The following GRM8 variants were observed in gnomAD, a reference collection of about 807,000 sequenced individuals.
The protein encoded by GRM8 is glutamate metabotropic receptor 8, also known as metabotropic glutamate receptor 8.
GRM8 carries 47 observed loss-of-function variants against 87.2 expected under a neutral mutation model. The ratio of observed to expected loss-of-function variants is 0.54; its 90% CI spans 0.43 to 0.69. The LOEUF is 0.69. GRM8 is among the 30% of genes least tolerant of loss of function. The pLI, the probability that GRM8 is intolerant of heterozygous loss-of-function variation, is 0.00. For synonymous variants in GRM8, 396 were observed against 404.5 expected (o/e 0.98, Z 0.25); for missense variants, 1,019 against 1,139.2 (o/e 0.89, Z 1.52).
At chr7:127,078,586 C>T (rs1822530044) in intron 3 of GRM8, among the ~76,000 whole-genome samples, 1 of 152,196 alleles carries the variant, frequency 6.6e-6, no homozygotes, top group Admixed American at 6.5e-5. Context: ...AAAGACCACA[C>T]TTAGTGTGAA....
At chr7:126,589,396 G>C (rs1339012603) in intron 8 of GRM8, among the ~76,000 whole-genome samples, 1 of 152,084 alleles carries the variant, frequency 6.6e-6, no homozygotes, top group African/African-American at 2.4e-5. Flanking sequence ...AGCAGAGGCA[G>C]CCATAATCCT....
At chr7:127,036,884 C>A (rs1294890672) in intron 3 of GRM8, among the ~76,000 whole-genome samples, 2 of 152,166 alleles carry the variant, frequency 1.3e-5, no homozygotes, top group Admixed American at 6.5e-5. Context: ...AATTTATGAC[C>A]TATCCTAAGC....
chr7:126,849,426 G>A (rs990473432), intron 6 of GRM8, among the ~76,000 whole-genome samples: 1 of 152,148 alleles, frequency 6.6e-6, no homozygotes, highest in African/African-American at 2.4e-5. Flanking sequence ...AGTAGAGAAG[G>A]TAATAAGCAG....
intron 6 of GRM8, among the ~76,000 whole-genome samples, chr7:126,865,575 T>C (rs1327515305): frequency 6.6e-6 from 1 of 152,158 alleles, no homozygotes; most frequent in East Asian, 1.9e-4. Context: ...CACTCTTCAA[T>C]CATCCTGTTC....
At chr7:126,684,860 C>G (rs1010232130) in intron 7 of GRM8, among the ~76,000 whole-genome samples, 1 of 152,204 alleles carries the variant, frequency 6.6e-6, no homozygotes, top group Non-Finnish European at 1.5e-5. Flanking sequence ...TCATGTCATC[C>G]TTCATTACCT....
chr7:126,819,138 G>A (rs1459810286), intron 6 of GRM8, among the ~76,000 whole-genome samples: 3 of 152,084 alleles, frequency 2.0e-5, no homozygotes, highest in Non-Finnish European at 4.4e-5. Flanking sequence ...TCTTCCCAGA[G>A]AACAAATCTT....
At chr7:126,672,626 A>C (rs777147515) in intron 7 of GRM8, among the ~76,000 whole-genome samples, 6 of 152,192 alleles carry the variant, frequency 3.9e-5, no homozygotes, top group Non-Finnish European at 8.8e-5. Context: ...GCGGGAAAGG[A>C]ACCCAGAAGC....
intron 3 of GRM8, among the ~76,000 whole-genome samples, chr7:127,057,803 A>C (rs1820150570): frequency 6.7e-6 from 1 of 149,914 alleles, no homozygotes; most frequent in African/African-American, 2.5e-5. Context: ...ACCAGCTCAT[A>C]TCCCACAAAA....
At chr7:126,755,421 T>A (rs1484734199) in intron 7 of GRM8, among the ~76,000 whole-genome samples, 1 of 151,958 alleles carries the variant, frequency 6.6e-6, no homozygotes, top group Non-Finnish European at 1.5e-5. Context: ...AAAGCTTTTT[T>A]TTGCAGACGG....
rs138714132 is a variant in GRM8, at chr7:126,909,034, G to A, written c.728-4351C>T. ...AACCAGACAGCTAATCTGTTCATAAGCACTCATGGTCTACTATGTTTCAGG... is the reference window on the plus strand; with the variant it reads ...AACCAGACAGCTAATCTGTTCATAAACACTCATGGTCTACTATGTTTCAGG... On this transcript the variant is annotated intron_variant, in intron 3 of 10. Transcript: ENST00000339582. Among the ~76,000 whole-genome samples the A allele has an allele frequency of 2.7e-3, 416 of 152,214 alleles. 3 individuals carry two copies. The highest frequency in any genetic ancestry group is 9.6e-3 in the African/African-American group (398 of 41,552).
chr7:126,818,471 T>G (rs1793992957), intron 6 of GRM8, among the ~76,000 whole-genome samples: 2 of 152,192 alleles, frequency 1.3e-5, no homozygotes, highest in Non-Finnish European at 2.9e-5. Context: ...GATAACCTCT[T>G]CTTGCTTACT....
intron 8 of GRM8, among the ~76,000 whole-genome samples, chr7:126,602,417 C>A (rs1462046185): frequency 9.3e-6 from 1 of 107,940 alleles, no homozygotes; most frequent in Non-Finnish European, 2.1e-5. Flanking sequence ...GCGATGCGGG[C>A]TCTTTTTCGG....
chr7:126,627,329 C>T (rs1374059826), intron 7 of GRM8, among the ~76,000 whole-genome samples: 1 of 152,152 alleles, frequency 6.6e-6, no homozygotes, highest in African/African-American at 2.4e-5. Flanking sequence ...AAAGATGCTA[C>T]TAAACATCCC....
At chr7:127,051,363 C>T (rs1417092073) in intron 3 of GRM8, among the ~76,000 whole-genome samples, 3 of 151,866 alleles carry the variant, frequency 2.0e-5, no homozygotes, top group Non-Finnish European at 2.9e-5. Context: ...AACCTGCACA[C>T]GTACCCTGAA....
At chr7:126,687,970 G>T (rs1394842361) in intron 7 of GRM8, among the ~76,000 whole-genome samples, 1 of 151,672 alleles carries the variant, frequency 6.6e-6, no homozygotes, top group East Asian at 1.9e-4. Context: ...TTTCTATTGG[G>T]TTGTATTTTT....
intron 3 of GRM8, among the ~76,000 whole-genome samples, chr7:127,008,188 T>C (rs943568585): frequency 9.2e-5 from 14 of 151,968 alleles, no homozygotes; most frequent in Admixed American, 4.6e-4. Flanking sequence ...ATACAAAGAG[T>C]ATAGGGTTCT....
In GRM8 at chr7:126,571,632, C is replaced by T. The variant is rs555077773; in HGVS notation, c.1494+37730G>A. On this transcript the variant is annotated intron_variant, in intron 8 of 10. Transcript: ENST00000339582. ...GTATTTCCCACTCTCCTTTGATCTG[C>T]ATAGAGTCTGAATCCCTGGGCTGCC... Among the ~76,000 whole-genome samples the T allele has an allele frequency of 4.6e-5, 7 of 152,260 alleles. No homozygotes were observed. In the South Asian group the frequency reaches 1.5e-3, roughly 32 times the overall value.
At chr7:126,568,585 T>G (rs1204180420) in intron 8 of GRM8, among the ~76,000 whole-genome samples, 1 of 152,160 alleles carries the variant, frequency 6.6e-6, no homozygotes, top group East Asian at 1.9e-4. Flanking sequence ...TTTAAATGAC[T>G]GACTTTGAAG....
chr7:126,747,942 T>C (rs940532317), intron 7 of GRM8, among the ~76,000 whole-genome samples: 1 of 152,032 alleles, frequency 6.6e-6, no homozygotes, highest in African/African-American at 2.4e-5. Flanking sequence ...ATAGTATGTA[T>C]TAATGTTCAT....
Sources: allele counts gnomAD v4.1 joint callset (sites outside exome capture counted in the v4.1 genomes callset), GRCh38; gene constraint gnomAD v4.1.1; transcripts MANE v1.5; gene names NCBI Gene and HGNC (gene_info 2026-07-23, HGNC 2026-07-21).